The following PGM2L1 variants were observed in gnomAD, a reference collection of about 807,000 sequenced individuals.
The protein encoded by PGM2L1 is phosphoglucomutase 2 like 1, also known as glucose 1,6-bisphosphate synthase.
In PGM2L1, 35 loss-of-function variants were observed where a neutral mutation model predicts 73.4. That is an observed-to-expected ratio of 0.48 (90% CI 0.36 to 0.63). The LOEUF is 0.63. PGM2L1 is among the 30% of genes least tolerant of loss of function. PGM2L1 has a pLI of 0.00. For synonymous variants in PGM2L1, 225 were observed against 253.8 expected, an observed-to-expected ratio of 0.89 and a Z score of 1.08; for missense variants, 570 against 742.0, an observed-to-expected ratio of 0.77 and a Z score of 2.69.
In PGM2L1 at chr11:74,374,536, A is replaced by C. The variant is rs1230292679; in HGVS notation, c.158T>G (p.Met53Arg). 1.2e-6 allele frequency: 2 copies of C among 1,614,198 alleles called. No homozygotes were observed. Among genetic ancestry groups the C allele is most frequent in the East Asian group, 4.5e-5 (2 of 44,890 alleles). The change falls in exon 2 of 14, where the codon ATG becomes AGG. Residue 53 changes from methionine (M) to arginine (R), a missense_variant. Met to Arg is a moderately conservative substitution (Grantham distance 91). Coordinates refer to ENST00000298198, the MANE Select transcript of PGM2L1 (RefSeq NM_173582.6). ...EQIENLLRNG[M>R]NKELRDRLCC... ...AAGACGATCTCGCAGCTCCTTGTTC[A>C]TCCCATTCCGTAACAGGTTTTCAAT...
At position 74,330,920 on chromosome 11, in the gene PGM2L1, C is replaced by T. The variant is rs1352214701; in HGVS notation, c.*5732G>A. The stretch of plus-strand genomic sequence containing the variant: ...TTTAAGGGGATGTCTGCTTAATAAA[C>T]ATTACATTATAAAGTTCAGTGATGG... On this transcript the variant is annotated 3_prime_UTR_variant, in exon 14 of 14. Coordinates refer to ENST00000298198, the MANE Select transcript of PGM2L1 (RefSeq NM_173582.6). 6.6e-6 allele frequency: 1 copy of T among 152,166 alleles called. No individual in the cohort carries two copies. The highest frequency in any genetic ancestry group is 1.5e-5 in the Non-Finnish European group (1 of 68,024). The allele number at this position is 152,166 out of a possible 1,614,324, so 9.4% of individuals were successfully genotyped here.
In PGM2L1 at chr11:74,393,396, T is replaced by C. The variant is rs566545625; in HGVS notation, c.111+4655A>G. The stretch of plus-strand genomic sequence containing the variant: ...CAATGACCCTGGAGTAGACCACCTT[T>C]GTACAGGTATGTCATAGGTGTATTT... On this transcript the variant is annotated intron_variant, in intron 1 of 13. Coordinates refer to ENST00000298198, the MANE Select transcript of PGM2L1 (RefSeq NM_173582.6). Among the ~76,000 whole-genome samples, 29 of 152,342 alleles carry C rather than the reference T, an allele frequency of 1.9e-4. 1 individual carries two copies. The South Asian group carries it at 4.6e-3, about 24-fold the overall frequency.
chr11:74,351,733 C>T (rs536133136), intron 5 of PGM2L1, among the ~76,000 whole-genome samples, 157 bp from the exon 6 acceptor site: 7 of 150,416 alleles, frequency 4.7e-5, no homozygotes, highest in South Asian at 2.1e-4. Context: ...GAGGCTGAGG[C>T]GGGCAGATCA....
At position 74,374,504 on chromosome 11, in the gene PGM2L1, G is replaced by A; in HGVS notation, c.190C>T (p.Arg64Ter). ...NKELRDRLCC[R>*]MTFGTAGLRS... Reference sequence around the variant, plus strand: ...AGTCCTGCAGTCCCAAAAGTCATTCGGCAACAAAGACGATCTCGCAGCTCC... The same window carrying A: ...AGTCCTGCAGTCCCAAAAGTCATTCAGCAACAAAGACGATCTCGCAGCTCC... Residue 64 changes from arginine (R) to a stop codon, truncating the protein, a stop_gained, in exon 2 of 14, where the codon CGA (arginine) becomes TGA (stop). Transcript: ENST00000298198. LOFTEE classifies it high-confidence loss of function. 1.2e-6 allele frequency: 2 copies of A among 1,614,064 alleles called. No individual in the cohort carries two copies. Among genetic ancestry groups the A allele is most frequent in the South Asian group, 1.1e-5 (1 of 91,078 alleles).
At chr11:74,340,885 A>C (rs1862171972) in intron 12 of PGM2L1, among the ~76,000 whole-genome samples, 1 of 152,150 alleles carries the variant, frequency 6.6e-6, no homozygotes, top group African/African-American at 2.4e-5. Flanking sequence ...TAGAAATTGG[A>C]AAAATGGGTA....
chr11:74,386,881 G>A (rs566636398), intron 1 of PGM2L1, among the ~76,000 whole-genome samples: 8 of 152,120 alleles, frequency 5.3e-5, no homozygotes, highest in Non-Finnish European at 1.2e-4. Context: ...GTTACTTTGA[G>A]GAAAGGAAGA....
chr11:74,368,471 G>C (rs1273920834), intron 5 of PGM2L1, 21 bp downstream of exon 5: 1 of 1,578,742 alleles, frequency 6.3e-7, no homozygotes, highest in South Asian at 1.1e-5. Context: ...GATAAGCAAA[G>C]GTCAGGAGTC....
chr11:74,396,164 C>G (rs1004299517), intron 1 of PGM2L1, among the ~76,000 whole-genome samples: 2 of 151,246 alleles, frequency 1.3e-5, no homozygotes. Context: ...CAGGCTAAGG[C>G]AGAAAGATCA....
intron 8 of PGM2L1, among the ~76,000 whole-genome samples, chr11:74,346,281 A>G (rs1278973737): frequency 6.7e-6 from 1 of 149,992 alleles, no homozygotes; most frequent in Non-Finnish European, 1.5e-5. Context: ...AAAAAAAAAA[A>G]AAAAAAAAAA....
intron 1 of PGM2L1, among the ~76,000 whole-genome samples, chr11:74,390,242 C>A (rs1863081153): frequency 6.7e-6 from 1 of 150,306 alleles, no homozygotes; most frequent in Non-Finnish European, 1.5e-5. Flanking sequence ...ATTTTGAAAA[C>A]TGTCAGGTGA....
chr11:74,358,449 A>T lies in PGM2L1; in HGVS notation c.556-6873T>A, dbSNP rs567526159. 4.7e-4 allele frequency among the ~76,000 whole-genome samples: 72 copies of T among 152,364 alleles called. 1 individual carries two copies. The highest frequency in any genetic ancestry group is 1.7e-3 in the African/African-American group (72 of 41,588). On this transcript the variant is annotated intron_variant, in intron 5 of 13. Transcript: ENST00000298198. ...TAAAAATAACATTTCCACCCATCTG[A>T]TTGGCAAAGATTAAAAGCTTTGATA...
At position 74,335,796 on chromosome 11, in the gene PGM2L1, T is replaced by G. The variant is rs1179013738; in HGVS notation, c.*856A>C. 6.6e-6 allele frequency: 1 copy of G among 152,654 alleles called. No homozygotes were observed. Among genetic ancestry groups the G allele is most frequent in the Non-Finnish European group, 1.5e-5 (1 of 68,032 alleles). The allele number at this position is 152,654 out of a possible 1,614,324, so 9.5% of individuals were successfully genotyped here. A position where few individuals can be genotyped will look rare whatever the true frequency, so the allele number is the denominator to read the frequency against. ...CTTTTATTAAGATCTTTATTTATATTCCTAAGATTTTAAAATCAGCAAACT... is the reference window on the plus strand; with the variant it reads ...CTTTTATTAAGATCTTTATTTATATGCCTAAGATTTTAAAATCAGCAAACT... On this transcript the variant is annotated 3_prime_UTR_variant, in exon 14 of 14. Coordinates refer to ENST00000298198, the MANE Select transcript of PGM2L1 (RefSeq NM_173582.6).
chr11:74,383,094 G>A (rs961237447), intron 1 of PGM2L1, among the ~76,000 whole-genome samples: 1 of 152,040 alleles, frequency 6.6e-6, no homozygotes, highest in Non-Finnish European at 1.5e-5. Flanking sequence ...ACGGATTCAT[G>A]TTATGATTTA....
intron 6 of PGM2L1, 120 bp downstream of exon 6, chr11:74,351,263 G>A (rs954219831): frequency 3.2e-6 from 3 of 935,622 alleles, no homozygotes; most frequent in Non-Finnish European, 4.7e-6. Context: ...TGACTCTTAT[G>A]AGTACTATTT....
intron 12 of PGM2L1, 99 bp from the exon 13 acceptor site, chr11:74,338,700 T>C: frequency 1.5e-6 from 2 of 1,350,896 alleles, no homozygotes; most frequent in South Asian, 1.8e-5. Context: ...ATATGAGGTA[T>C]CTAAAGTCGT....
intron 1 of PGM2L1, among the ~76,000 whole-genome samples, chr11:74,376,074 TTTA>T (rs961220706): frequency 1.5e-4 from 23 of 152,260 alleles, no homozygotes; most frequent in African/African-American, 5.1e-4. Context: ...TTACAGTGCT[TTTA>T]CAGCAAGTAT....
Position 74,345,521 on chromosome 11 carries a change from A to G in PGM2L1, c.1166T>C (p.Val389Ala). ...AATTGCCTTCAGAATTTTAGAAGAG[A>G]CTGTGGTGGCTAACATATAAACGTT... is the stretch of plus-strand genomic sequence containing the variant. ...VKNVYMLATT[V>A]SSKILKAIAL... The change falls in exon 9 of 14, where the codon GTC (valine) becomes GCC (alanine). Residue 389 changes from valine to alanine, a missense_variant. Transcript: ENST00000298198. The G allele has an allele frequency of 6.2e-7, 1 of 1,613,426 alleles. No homozygotes were observed. Among genetic ancestry groups the G allele is most frequent in the Non-Finnish European group, 8.5e-7 (1 of 1,179,512 alleles).
intron 1 of PGM2L1, among the ~76,000 whole-genome samples, chr11:74,392,783 G>A (rs967148809): frequency 3.3e-5 from 5 of 152,114 alleles, no homozygotes; most frequent in Non-Finnish European, 7.4e-5. Context: ...CTTGTGATCC[G>A]CCCGCCTCGG....
At chr11:74,362,981 C>A (rs1195301485) in intron 5 of PGM2L1, among the ~76,000 whole-genome samples, 1 of 152,118 alleles carries the variant, frequency 6.6e-6, no homozygotes, top group African/African-American at 2.4e-5. Context: ...TGACCACATA[C>A]TTGGAAGTAA....
Sources: gnomAD v4.1 joint callset for allele counts (sites outside exome capture counted in the v4.1 genomes callset) on GRCh38, gnomAD v4.1.1 for gene constraint, MANE v1.5 for transcripts, NCBI Gene and HGNC (gene_info 2026-07-23, HGNC 2026-07-21) for gene names.